Variants in MCM3 observed in about 807,000 individuals in gnomAD.
MCM3 encodes minichromosome maintenance complex component 3.
In MCM3, 59 loss-of-function variants were observed where a neutral mutation model predicts 91.3. The ratio of observed to expected loss-of-function variants is 0.65; its 90% CI spans 0.52 to 0.80. MCM3 has a LOEUF of 0.80. Ranked by LOEUF, MCM3 falls within the 30% of genes least tolerant of loss-of-function variation. MCM3 has a pLI of 0.00. For missense variants in MCM3, 919 were observed against 1,035.4 expected, an observed-to-expected ratio of 0.89 and a Z score of 1.54; for synonymous variants, 383 against 379.6, an observed-to-expected ratio of 1.01 and a Z score of -0.10.
chr6:52,282,088 G>A lies in MCM3; in HGVS notation c.488C>T (p.Thr163Ile). The change falls in exon 4 of 17, where the codon ACC (threonine) becomes ATC (isoleucine). Residue 163 changes from threonine to isoleucine, a missense_variant. Transcript: ENST00000596288. ...GCTGGAGGGAAAGGCCACCAGGGTG[G>A]TGAGATCAGAATAACGTCGCTCTAT... is the stretch of plus-strand genomic sequence containing the variant. ...KTIERRYSDL[T>I]TLVAFPSSSV... 1 of 1,614,066 alleles carries A rather than the reference G, an allele frequency of 6.2e-7. No individual in the cohort carries two copies.
At chr6:52,264,886 G>A in intron 16 of MCM3, 100 bp from the exon 17 acceptor site, 1 of 961,928 alleles carries the variant, frequency 1.0e-6, no homozygotes, top group Non-Finnish European at 1.6e-6. Flanking sequence ...TACAGTAGAG[G>A]CGTCCCCTCA....
In MCM3 at chr6:52,272,330, G is replaced by A. The variant is rs982083021; in HGVS notation, c.1798C>T (p.Gln600Ter). The A allele has an allele frequency of 1.9e-6, 3 of 1,614,188 alleles. No homozygotes were observed. Among genetic ancestry groups the A allele is most frequent in the Non-Finnish European group, 2.5e-6 (3 of 1,180,026 alleles). ...IAEEYSRLRS[Q>*]DSMSSDTART... ...GCGGTGTCTGAGCTCATGCTATCCT[G>A]GCTGCGCAGGCGTGAATACTCTTCT... The change falls in exon 12 of 17, where the codon CAG (glutamine) becomes TAG (stop). Residue 600 changes from glutamine to a stop codon, truncating the protein, a stop_gained. Coordinates refer to ENST00000596288, the MANE Select transcript of MCM3 (RefSeq NM_002388.6). LOFTEE classifies it high-confidence loss of function.
intron 1 of MCM3, 137 bp downstream of exon 1, chr6:52,284,460 T>C (rs560106026): frequency 4.3e-6 from 3 of 697,232 alleles, no homozygotes; most frequent in Non-Finnish European, 6.9e-6. Flanking sequence ...AGTTACAAGA[T>C]TGGGGCTGGA....
chr6:52,272,166 T>C (rs1345367708), intron 12 of MCM3, 135 bp downstream of exon 12: 2 of 804,796 alleles, frequency 2.5e-6, no homozygotes, highest in Non-Finnish European at 1.8e-6. Context: ...ATGATTAAAA[T>C]TGTATAACAG....
intron 12 of MCM3, among the ~76,000 whole-genome samples, chr6:52,270,938 C>T (rs753578014): frequency 2.0e-4 from 30 of 152,144 alleles, no homozygotes; most frequent in Admixed American, 3.9e-4. Flanking sequence ...TAAGAAGTCC[C>T]GGCCGGGCTC....
chr6:52,264,555 T>G lies in MCM3; in HGVS notation c.*33A>C. The G allele has an allele frequency of 6.2e-7, 1 of 1,612,378 alleles. No individual in the cohort carries two copies. Among genetic ancestry groups the G allele is most frequent in the South Asian group, 1.1e-5 (1 of 90,904 alleles). On this transcript the variant is annotated 3_prime_UTR_variant, in exon 17 of 17. Coordinates refer to ENST00000596288, the MANE Select transcript of MCM3 (RefSeq NM_002388.6). ...GGTGGGAAACACAGAACAAACTCTC[T>G]CGGCACAACCCAAGTTCAGAGACGA...
intron 12 of MCM3, among the ~76,000 whole-genome samples, chr6:52,270,306 G>C (rs1233618104): frequency 6.8e-6 from 1 of 146,388 alleles, no homozygotes; most frequent in Non-Finnish European, 1.5e-5. Flanking sequence ...TCCAGCCTGG[G>C]CAACAGAGCG....
chr6:52,277,474 T>C, intron 7 of MCM3, 61 bp downstream of exon 7: 1 of 1,499,396 alleles, frequency 6.7e-7, no homozygotes, highest in Non-Finnish European at 9.1e-7. Context: ...TCTTACATAT[T>C]ATAGGTCTCC....
At chr6:52,274,495 C>A (rs534670548) in intron 9 of MCM3, among the ~76,000 whole-genome samples, 40 of 152,064 alleles carry the variant, frequency 2.6e-4, no homozygotes, top group African/African-American at 9.2e-4. Flanking sequence ...GCCTGGGCAA[C>A]ATGCAAAACC....
Position 52,273,775 on chromosome 6 carries a change from G to A in MCM3, c.1516C>T (p.Arg506Cys), listed in dbSNP as rs766099010. The change falls in exon 10 of 17, where the codon CGT becomes TGT. Residue 506 changes from arginine (R) to cysteine (C), a missense_variant. By Grantham distance (180) the Arg-to-Cys change is radical. Transcript: ENST00000596288. ...TCCTGCTCCCCAGGTGCTCTGTAAC[G>A]GTGCATCCGAAGGACATGGTCTGAG... is the stretch of plus-strand genomic sequence containing the variant. Reference protein sequence around the residue: ...EISDHVLRMHRYRAPGEQDGD... With the variant: ...EISDHVLRMHCYRAPGEQDGD... 22 of 1,613,456 alleles carry A rather than the reference G, an allele frequency of 1.4e-5. No homozygotes were observed. Among genetic ancestry groups the A allele is most frequent in the South Asian group, 6.6e-5 (6 of 91,004 alleles).
At position 52,266,057 on chromosome 6, in the gene MCM3, A is replaced by G; in HGVS notation, c.2228+18T>C. On this transcript the variant is annotated intron_variant, in intron 16 of 16. Coordinates refer to ENST00000596288, the MANE Select transcript of MCM3 (RefSeq NM_002388.6). ...TACACAGAATTCTTGAAGGGGCAGGAGCAACATCCGTACTCACCTGGATTC... is the reference window on the plus strand; with the variant it reads ...TACACAGAATTCTTGAAGGGGCAGGGGCAACATCCGTACTCACCTGGATTC... 1 of 1,611,466 alleles carries G rather than the reference A, an allele frequency of 6.2e-7. No individual in the cohort carries two copies. The highest frequency in any genetic ancestry group is 1.1e-5 in the South Asian group (1 of 91,014).
At position 52,276,967 on chromosome 6, in the gene MCM3, T is replaced by A; in HGVS notation, c.1165+100A>T. 3.5e-6 allele frequency: 5 copies of A among 1,430,922 alleles called. No homozygotes were observed. In the South Asian group the frequency reaches 5.5e-5, roughly 16 times the overall value. The allele number at this position is 1,430,922 out of a possible 1,614,324, so 88.6% of individuals were successfully genotyped here. A position where few individuals can be genotyped will look rare whatever the true frequency, so the allele number is the denominator to read the frequency against. On this transcript the variant is annotated intron_variant, in intron 8 of 16. Coordinates refer to ENST00000596288, the MANE Select transcript of MCM3 (RefSeq NM_002388.6). ...CAGTCCTCTATAATCTGGACCCAAC[T>A]AACCTATCAGCTGTATCTTCAGAAC...
chr6:52,276,663 T>C (rs1765594368), intron 8 of MCM3, among the ~76,000 whole-genome samples, 187 bp from the exon 9 acceptor site: 1 of 152,152 alleles, frequency 6.6e-6, no homozygotes, highest in Non-Finnish European at 1.5e-5. Context: ...TAAATATTAA[T>C]AGTATCTCTT....
At chr6:52,284,234 G>A (rs1766433586) in intron 1 of MCM3, among the ~76,000 whole-genome samples, 1 of 152,316 alleles carries the variant, frequency 6.6e-6, no homozygotes. Flanking sequence ...AACGCGGCTG[G>A]TCACTATAGC....
chr6:52,276,592 G>A, intron 8 of MCM3, 116 bp from the exon 9 acceptor site: 1 of 872,364 alleles, frequency 1.1e-6, no homozygotes, highest in Non-Finnish European at 1.7e-6. Flanking sequence ...ATGCGGCAAT[G>A]GTGTGTTGGC....
rs1025974385 is a variant in MCM3, at chr6:52,264,516, T to C, written c.*72A>G. 4.6e-6 allele frequency: 7 copies of C among 1,531,912 alleles called. No homozygotes were observed. In the African/African-American group the frequency reaches 9.6e-5, roughly 21 times the overall value. The allele number at this position is 1,531,912 out of a possible 1,614,324, so 94.9% of individuals were successfully genotyped here. Reference sequence around the variant, plus strand: ...TGTTAAGGGAGTAGAGGCAAAGACTTGGGTCAGGGAGAGGGTGGGAAACAC... The same window carrying C: ...TGTTAAGGGAGTAGAGGCAAAGACTCGGGTCAGGGAGAGGGTGGGAAACAC... On this transcript the variant is annotated 3_prime_UTR_variant, in exon 17 of 17. Transcript: ENST00000596288.
In MCM3 at chr6:52,278,176, T is replaced by C. The variant is rs575100180; in HGVS notation, c.880-488A>G. ...TTATTTTCTAAGACAAATTACACTA[T>C]CAGGCCATTATCAGAGTAGGCACAG... On this transcript the variant is annotated intron_variant, in intron 6 of 16. Transcript: ENST00000596288. Among the ~76,000 whole-genome samples, 7 of 149,372 alleles carry C rather than the reference T, an allele frequency of 4.7e-5. No homozygotes were observed. The East Asian group carries it at 1.4e-3, about 31-fold the overall frequency.
chr6:52,264,968 C>T (rs1168850366), intron 16 of MCM3, among the ~76,000 whole-genome samples, 182 bp from the exon 17 acceptor site: 1 of 152,194 alleles, frequency 6.6e-6, no homozygotes, highest in Non-Finnish European at 1.5e-5. Flanking sequence ...TAAAGCTAAA[C>T]TATTGTACTA....
chr6:52,281,987 A>T (rs183618362), intron 4 of MCM3, 58 bp downstream of exon 4: 2 of 1,578,956 alleles, frequency 1.3e-6, no homozygotes, highest in African/African-American at 2.7e-5. Context: ...TCCTTGCCTT[A>T]AAACAGGTAT....
Sources: gnomAD v4.1 joint callset for allele counts (sites outside exome capture counted in the v4.1 genomes callset) on GRCh38, gnomAD v4.1.1 for gene constraint, MANE v1.5 for transcripts, NCBI Gene and HGNC (gene_info 2026-07-23, HGNC 2026-07-21) for gene names.